FGF8: variants seen among roughly 807,000 people sequenced by gnomAD.
FGF8 encodes the protein fibroblast growth factor 8, also known as androgen-induced growth factor.
A neutral mutation model predicts 29.7 loss-of-function variants in FGF8; 12 were observed. The observed-to-expected ratio is 0.40, with a 90% CI of 0.26 to 0.65. The LOEUF (loss-of-function observed/expected upper bound fraction) is 0.65, where lower values mean the gene tolerates loss of function less well. FGF8 is among the 30% of genes least tolerant of loss of function. The pLI, the probability that FGF8 is intolerant of heterozygous loss-of-function variation, is 0.37. For missense variants in FGF8, 271 were observed against 345.1 expected (o/e 0.79, Z 1.70); for synonymous variants, 157 against 144.4 (o/e 1.09, Z -0.63).
chr10:101,775,467 A>T lies in FGF8; in HGVS notation c.70-251T>A. On this transcript the variant is annotated intron_variant, in intron 2 of 5. Coordinates refer to ENST00000320185, the MANE Select transcript of FGF8 (RefSeq NM_033163.5). The surrounding 1 kb of genome is among the most constrained non-coding windows in gnomAD (Gnocchi z 4.6). ...CTTCCTCGGCGGCTGGGTGTTCCCT[A>T]TGCCCCCAGCCGGCGAGGATGCATG... 1.7e-6 allele frequency: 1 copy of T among 602,254 alleles called. No homozygotes were observed. Among genetic ancestry groups the T allele is most frequent in the Non-Finnish European group, 2.9e-6 (1 of 339,254 alleles). The allele number at this position is 602,254 out of a possible 1,614,324, so 37.3% of individuals were successfully genotyped here. A position where few individuals can be genotyped will look rare whatever the true frequency, so the allele number is the denominator to read the frequency against.
Position 101,774,865 on chromosome 10 carries a change from C to T in FGF8, c.204G>A (p.Gln68=). 2 of 1,614,098 alleles carry T rather than the reference C, an allele frequency of 1.2e-6. No homozygotes were observed. Among genetic ancestry groups the T allele is most frequent in the Non-Finnish European group, 8.5e-7 (1 of 1,180,040 alleles). ...SPNFTQHVRE[Q]SLVTDQLSRR... The stretch of plus-strand genomic sequence containing the variant: ...GGCTGAGCTGATCCGTCACCAGGCT[C>T]TGCTCCCTCACATGCTGTGTAAAAT... Residue 68 remains glutamine (Q), a synonymous_variant, in exon 4 of 6, where the codon CAG becomes CAA. Transcript: ENST00000320185.
rs929720803 is a variant in FGF8, at chr10:101,771,287, TCAAA to T, written c.444+172_444+175del. Among the ~76,000 whole-genome samples the T allele has an allele frequency of 2.0e-5, 3 of 152,160 alleles. No individual in the cohort carries two copies. The highest frequency in any genetic ancestry group is 7.2e-5 in the African/African-American group (3 of 41,428). ...CTTCGCCTTTTATAGTTTTCATCTC[TCAAA>T]CAGCTTCCTTCTCCCTCACTCCTGC... is the stretch of plus-strand genomic sequence containing the variant. On this transcript the variant is annotated intron_variant, in intron 5 of 5. Coordinates refer to ENST00000320185, the MANE Select transcript of FGF8 (RefSeq NM_033163.5). This position sits in a 1 kb window ranked among gnomAD's most constrained non-coding sequence, Gnocchi z 5.3.
chr10:101,775,150 G>T lies in FGF8; in HGVS notation c.136C>A (p.Pro46Thr). 6.5e-7 allele frequency: 1 copy of T among 1,548,386 alleles called. No individual in the cohort carries two copies. The stretch of plus-strand genomic sequence containing the variant: ...CCCACCTGTTGGGAGACACCCTGGG[G>T]CTCCCGGCCAGCCCGGAACAGGGAA... ...LASLFRAGREPQGVSQQVTVQ... is the reference protein window; with the variant it reads ...LASLFRAGRETQGVSQQVTVQ... The change falls in exon 3 of 6, where the codon CCC (proline) becomes ACC (threonine). Residue 46 changes from proline (P) to threonine (T), a missense_variant. By Grantham distance (38) the Pro-to-Thr change is conservative. This residue lies in a region of FGF8 where 168 missense variants were observed against 207.0 expected (regional missense o/e 0.81). Coordinates refer to ENST00000320185, the MANE Select transcript of FGF8 (RefSeq NM_033163.5). The surrounding 1 kb of genome is among the most constrained non-coding windows in gnomAD (Gnocchi z 4.6).
At chr10:101,776,212 GCGCGA>G (rs2065091195), upstream of FGF8, 1 of 115,026 alleles carries the variant, frequency 8.7e-6, no homozygotes, top group Admixed American at 8.0e-5. Flanking sequence ...GCCGCACCGG[GCGCGA>G]GGGGGGAGCG....
chr10:101,776,537 GT>G (rs2065097285), upstream of FGF8, among the ~76,000 whole-genome samples: 1 of 151,954 alleles, frequency 6.6e-6, no homozygotes, highest in Admixed American at 6.5e-5. Context: ...GAGCGCCCGA[GT>G]CTGGCGGGTC....
chr10:101,773,096 G>A (rs2065045630), intron 4 of FGF8, among the ~76,000 whole-genome samples: 1 of 152,142 alleles, frequency 6.6e-6, no homozygotes, highest in Non-Finnish European at 1.5e-5. Context: ...CTCCTGTCCT[G>A]GCTGAACACC....
At chr10:101,779,325 C>T (rs1346218110), upstream of FGF8, among the ~76,000 whole-genome samples, 1 of 152,236 alleles carries the variant, frequency 6.6e-6, no homozygotes, top group Non-Finnish European at 1.5e-5. This position sits in a 1 kb window ranked among gnomAD's most constrained non-coding sequence, Gnocchi z 5.7. Flanking sequence ...TCTCCCTCGG[C>T]CCCCAAATAG....
rs1371482909 is a variant in FGF8, at chr10:101,775,145, C to G, written c.141G>C (p.Gln47His). 8 of 1,548,582 alleles carry G rather than the reference C, an allele frequency of 5.2e-6. No individual in the cohort carries two copies. The Admixed American group carries it at 5.9e-5, about 11-fold the overall frequency. The change falls in exon 3 of 6, where the codon CAG becomes CAC. Residue 47 changes from glutamine to histidine, a missense_variant. Around this residue, in one of 3 missense-constraint regions of FGF8, gnomAD observed 168 missense variants for 207.0 expected, o/e 0.81. Transcript: ENST00000320185. The surrounding 1 kb of genome is among the most constrained non-coding windows in gnomAD (Gnocchi z 4.6). ...CTGGACCCACCTGTTGGGAGACACC[C>G]TGGGGCTCCCGGCCAGCCCGGAACA... ...ASLFRAGREP[Q>H]GVSQQVTVQS...
rs1418159217 is a variant in FGF8, at chr10:101,770,438, C to G, written c.626G>C (p.Arg209Pro). The stretch of plus-strand genomic sequence containing the variant: ...GCTCTGCTCGGTGGTGTGGTGGCCC[C>G]GGGGCAGCCGCTTCATGAAGTGGAC... ...REVHFMKRLP[R>P]GHHTTEQSLR... is the part of the protein sequence containing the mutation. Residue 209 changes from arginine to proline, a missense_variant, in exon 6 of 6, where the codon CGG becomes CCG. Physicochemically the swap from Arg to Pro is moderately radical, Grantham distance 103. Transcript: ENST00000320185. The G allele has an allele frequency of 6.2e-7, 1 of 1,609,124 alleles. No individual in the cohort carries two copies. The highest frequency in any genetic ancestry group is 8.5e-7 in the Non-Finnish European group (1 of 1,178,082).
In FGF8 at chr10:101,774,792, G is replaced by T; in HGVS notation, c.277C>A (p.His93Asn). Residue 93 changes from histidine (H) to asparagine (N), a missense_variant, in exon 4 of 6, where the codon CAC (histidine) becomes AAC (asparagine). Physicochemically the swap from His to Asn is moderately conservative, Grantham distance 68. Coordinates refer to ENST00000320185, the MANE Select transcript of FGF8 (RefSeq NM_033163.5). ...YQLYSRTSGKHVQVLANKRIN... is the reference protein window; with the variant it reads ...YQLYSRTSGKNVQVLANKRIN... ...CGCTTGTTGGCCAGGACCTGCACGT[G>T]CTTCCCGCTGGTGCGGCTGTAGAGT... 1 of 1,612,122 alleles carries T rather than the reference G, an allele frequency of 6.2e-7. No individual in the cohort carries two copies.
In FGF8 at chr10:101,776,062, C is replaced by T; in HGVS notation, c.-162G>A. 3.9e-6 allele frequency: 1 copy of T among 257,092 alleles called. No homozygotes were observed. Among genetic ancestry groups the T allele is most frequent in the Non-Finnish European group, 6.6e-6 (1 of 150,618 alleles). 15.9% of individuals were successfully genotyped at this position (257,092 alleles called of 1,614,324 possible). ...CGGGTCCCGTGGAACGTCGTGCTCGCCGCGCCGCACCGAATCGCTGTGCGC... is the reference window on the plus strand; with the variant it reads ...CGGGTCCCGTGGAACGTCGTGCTCGTCGCGCCGCACCGAATCGCTGTGCGC... On this transcript the variant is annotated 5_prime_UTR_variant, in exon 1 of 6. Transcript: ENST00000320185.
intron 4 of FGF8, among the ~76,000 whole-genome samples, 166 bp downstream of exon 4, chr10:101,774,566 C>T (rs1269164887): frequency 6.6e-6 from 1 of 152,140 alleles, no homozygotes; most frequent in South Asian, 2.1e-4. Flanking sequence ...AAGTACTCCC[C>T]GAGGCCCCTT....
intron 4 of FGF8, among the ~76,000 whole-genome samples, chr10:101,773,008 G>C (rs949466258): frequency 3.3e-5 from 5 of 152,190 alleles, no homozygotes; most frequent in Admixed American, 6.5e-5. Flanking sequence ...GGCAGGCAGG[G>C]ATGAAGTAGG....
chr10:101,774,335 T>C (rs989898563), intron 4 of FGF8, among the ~76,000 whole-genome samples: 2 of 152,214 alleles, frequency 1.3e-5, no homozygotes, highest in Non-Finnish European at 2.9e-5. Context: ...CTTTTCCAAC[T>C]GGGAGAGTTG....
At chr10:101,778,741 C>G (rs2065116386), upstream of FGF8, among the ~76,000 whole-genome samples, 1 of 152,254 alleles carries the variant, frequency 6.6e-6, no homozygotes, top group South Asian at 2.1e-4. Flanking sequence ...CCTGGCTCTG[C>G]CCTGGCACGC....
upstream of FGF8, among the ~76,000 whole-genome samples, chr10:101,777,789 A>G (rs1564633951): frequency 6.6e-6 from 1 of 152,210 alleles, no homozygotes; most frequent in Non-Finnish European, 1.5e-5. Context: ...ATGATGGGGG[A>G]AGTGGCTGAG....
Position 101,771,864 on chromosome 10 carries a change from C to T in FGF8, c.338-295G>A, listed in dbSNP as rs1464464705. On this transcript the variant is annotated intron_variant, in intron 4 of 5. Coordinates refer to ENST00000320185, the MANE Select transcript of FGF8 (RefSeq NM_033163.5). This position sits in a 1 kb window ranked among gnomAD's most constrained non-coding sequence, Gnocchi z 5.3. ...AGGCTGAAGTGCCATTCCTTCCACC[C>T]TCTTTTTAAACCAGACAGTGATGTC... Among the ~76,000 whole-genome samples the T allele has an allele frequency of 2.0e-5, 3 of 152,244 alleles. No individual in the cohort carries two copies. The highest frequency in any genetic ancestry group is 4.8e-5 in the African/African-American group (2 of 41,454).
At position 101,775,952 on chromosome 10, in the gene FGF8, G is replaced by C; in HGVS notation, c.-52C>G. The C allele has an allele frequency of 8.7e-7, 1 of 1,147,064 alleles. No homozygotes were observed. Among genetic ancestry groups the C allele is most frequent in the Non-Finnish European group, 1.1e-6 (1 of 931,240 alleles). 71.1% of individuals were successfully genotyped at this position (1,147,064 alleles called of 1,614,324 possible). On this transcript the variant is annotated 5_prime_UTR_variant, in exon 1 of 6. Coordinates refer to ENST00000320185, the MANE Select transcript of FGF8 (RefSeq NM_033163.5). The surrounding 1 kb of genome is among the most constrained non-coding windows in gnomAD (Gnocchi z 4.6). Reference sequence around the variant, plus strand: ...CCCGGCGGGTCACGCCGTCCCGCGGGCCGCCGCGGGAGGACGCGCTGAGCA... The same window carrying C: ...CCCGGCGGGTCACGCCGTCCCGCGGCCCGCCGCGGGAGGACGCGCTGAGCA...
rs1289650216 is a variant in FGF8, at chr10:101,770,360, C to T, written c.704G>A (p.Ser235Asn). The change falls in exon 6 of 6, where the codon AGC becomes AAC. Residue 235 changes from serine (S) to asparagine (N), a missense_variant. By Grantham distance (46) the Ser-to-Asn change is conservative (BLOSUM62 1). Around this residue, in one of 3 missense-constraint regions of FGF8, gnomAD observed 62 missense variants for 58.1 expected, o/e 1.07. Transcript: ENST00000320185. ...YPPFTRSLRG[S>N]QRTWAPEPR The stretch of plus-strand genomic sequence containing the variant: ...GGGCTCGGGGGCCCAAGTCCTCTGG[C>T]TGCCGCGCAGGCTGCGCGTGAAGGG... The T allele has an allele frequency of 3.1e-6, 5 of 1,599,184 alleles. No homozygotes were observed. The highest frequency in any genetic ancestry group is 4.3e-6 in the Non-Finnish European group (5 of 1,174,578).
Sources: gnomAD v4.1 joint callset for allele counts (sites outside exome capture counted in the v4.1 genomes callset) on GRCh38, gnomAD v4.1.1 for gene constraint, gnomAD v4.1.1 regional missense constraint, Gnocchi (gnomAD v3.1) non-coding constraint, MANE v1.5 for transcripts, NCBI Gene and HGNC (gene_info 2026-07-23, HGNC 2026-07-21) for gene names.